Variants in OSBPL10 observed in about 807,000 individuals in gnomAD.
The protein encoded by OSBPL10 is oxysterol-binding protein-related protein 10.
In OSBPL10, 49 loss-of-function variants were observed where a neutral mutation model predicts 81.7. The ratio of observed to expected loss-of-function variants is 0.60; its 90% CI spans 0.48 to 0.76. The LOEUF is 0.76. OSBPL10 is among the 30% of genes least tolerant of loss of function. The probability of loss-of-function intolerance (pLI) is 0.00; values close to 1 mark genes in which losing one functional copy is unlikely to be tolerated. For missense variants in OSBPL10, 923 were observed against 987.8 expected, an observed-to-expected ratio of 0.93 and a Z score of 0.88; for synonymous variants, 419 against 383.6, an observed-to-expected ratio of 1.09 and a Z score of -1.08.
At chr3:31,848,171 T>G (rs1700678560) in intron 3 of OSBPL10, among the ~76,000 whole-genome samples, 1 of 152,132 alleles carries the variant, frequency 6.6e-6, no homozygotes, top group African/African-American at 2.4e-5. Flanking sequence ...CCTTTGGTTC[T>G]GGGCATGGTG....
At chr3:31,851,788 T>A (rs1244395708) in intron 3 of OSBPL10, among the ~76,000 whole-genome samples, 1 of 152,134 alleles carries the variant, frequency 6.6e-6, no homozygotes, top group Non-Finnish European at 1.5e-5. Context: ...ACCCCCTCCA[T>A]CCCGTGACTG....
chr3:32,000,812 G>A (rs114933444), intron 2 of OSBPL10, among the ~76,000 whole-genome samples: 3 of 152,224 alleles, frequency 2.0e-5, no homozygotes, highest in Non-Finnish European at 2.9e-5. Context: ...CTTTGACTCC[G>A]GCCATGCGGT....
intron 4 of OSBPL10, among the ~76,000 whole-genome samples, chr3:31,768,720 C>A (rs747932838): frequency 6.6e-6 from 1 of 152,148 alleles, no homozygotes; most frequent in Non-Finnish European, 1.5e-5. Context: ...CTGTGCCACC[C>A]CAACGCATCA....
At chr3:31,668,029 T>C (rs1700240159) in intron 10 of OSBPL10, among the ~76,000 whole-genome samples, 1 of 152,264 alleles carries the variant, frequency 6.6e-6, no homozygotes, top group Admixed American at 6.5e-5. Flanking sequence ...GTGATTTCTT[T>C]CTTTTGTTGC....
At chr3:32,069,213 T>A (rs1244254850) in intron 1 of OSBPL10, among the ~76,000 whole-genome samples, 1 of 152,172 alleles carries the variant, frequency 6.6e-6, no homozygotes, top group Non-Finnish European at 1.5e-5. Context: ...ACAATTTAAC[T>A]TAGAGTGACT....
At chr3:31,676,089 A>T (rs1226950540) in intron 8 of OSBPL10, among the ~76,000 whole-genome samples, 3 of 151,620 alleles carry the variant, frequency 2.0e-5, no homozygotes, top group Admixed American at 2.0e-4. Flanking sequence ...CTTCAGAAAA[A>T]TCTCTTCCAA....
chr3:31,778,982 A>G (rs560534043), intron 4 of OSBPL10, among the ~76,000 whole-genome samples: 1 of 152,320 alleles, frequency 6.6e-6, no homozygotes, highest in Non-Finnish European at 1.5e-5. Context: ...TCATAAATGA[A>G]GGAGAGATAA....
At chr3:31,845,346 C>A (rs756365873) in intron 3 of OSBPL10, among the ~76,000 whole-genome samples, 8 of 151,876 alleles carry the variant, frequency 5.3e-5, no homozygotes, top group Non-Finnish European at 7.4e-5. Flanking sequence ...CCCAGGGTAA[C>A]TGGACAAAAA....
chr3:31,708,846 A>G, intron 6 of OSBPL10: 1 of 985,402 alleles, frequency 1.0e-6, no homozygotes, highest in Non-Finnish European at 1.2e-6. Context: ...TGGATGTTCC[A>G]CTTTGGTCAG....
At chr3:31,971,480 C>T (rs1451924529) in intron 1 of OSBPL10, among the ~76,000 whole-genome samples, 1 of 152,170 alleles carries the variant, frequency 6.6e-6, no homozygotes, top group Non-Finnish European at 1.5e-5. Context: ...GTCCTAAACC[C>T]TTTATACACA....
Position 31,949,667 on chromosome 3 carries a change from CAAAAAAAAAAAAAAA to C in OSBPL10, c.281+31217_281+31231del, listed in dbSNP as rs56002214. On this transcript the variant is annotated intron_variant, in intron 1 of 11. Transcript: ENST00000396556. ...TGGGCAACAGAGCAAGACTCTGTCTCAAAAAAAAAAAAAAAAAAAAAAAAAAAAAAAAAGGATACT... is the reference window on the plus strand; with the variant it reads ...TGGGCAACAGAGCAAGACTCTGTCTCAAAAAAAAAAAAAAAAAAGGATACT... Among the ~76,000 whole-genome samples the C allele has an allele frequency of 1.6e-3, 43 of 26,254 alleles. 2 individuals carry two copies. The South Asian group carries it at 0.017, about 10-fold the overall frequency. The allele number at this position is 26,254 out of a possible 152,430, so 17.2% of individuals were successfully genotyped here.
At chr3:31,857,743 A>G (rs1368564831) in intron 3 of OSBPL10, among the ~76,000 whole-genome samples, 1 of 6,612 alleles carries the variant, frequency 1.5e-4, no homozygotes, top group African/African-American at 3.7e-4. Flanking sequence ...AACCACTACT[A>G]CTAGCCTCTC....
chr3:31,880,268 AC>A (rs1156518091), intron 1 of OSBPL10, among the ~76,000 whole-genome samples: 1 of 152,196 alleles, frequency 6.6e-6, no homozygotes, highest in African/African-American at 2.4e-5. Flanking sequence ...TTGGTCTCCA[AC>A]TTCCTGCCAG....
At chr3:31,813,233 AG>A (rs2125486499) in intron 4 of OSBPL10, among the ~76,000 whole-genome samples, 1 of 152,356 alleles carries the variant, frequency 6.6e-6, no homozygotes, top group South Asian at 2.1e-4. Context: ...GTTCTGATTT[AG>A]GGATGACCAA....
intron 6 of OSBPL10, among the ~76,000 whole-genome samples, 167 bp from the exon 7 acceptor site, chr3:31,702,675 G>A (rs1695936587): frequency 6.6e-6 from 1 of 152,142 alleles, no homozygotes; most frequent in South Asian, 2.1e-4. Flanking sequence ...GTCCCCTGGG[G>A]GTCGGACCTG....
intron 8 of OSBPL10, among the ~76,000 whole-genome samples, chr3:31,677,874 G>A (rs1054333867): frequency 6.7e-6 from 1 of 149,626 alleles, no homozygotes; most frequent in Non-Finnish European, 1.5e-5. Context: ...GAGGTCAGGA[G>A]ATCGAGACCA....
chr3:32,069,972 C>G (rs1699813957), intron 1 of OSBPL10, among the ~76,000 whole-genome samples: 1 of 152,222 alleles, frequency 6.6e-6, no homozygotes, highest in Non-Finnish European at 1.5e-5. Context: ...GGAGGTTGGA[C>G]TCTCCGACTC....
chr3:31,990,388 C>T (rs775230936), intron 2 of OSBPL10: 15 of 1,613,918 alleles, frequency 9.3e-6, no homozygotes, highest in Admixed American at 5.0e-5. Flanking sequence ...ATTTTTTAGA[C>T]GTCGTTCATA....
intron 4 of OSBPL10, among the ~76,000 whole-genome samples, chr3:31,769,067 T>C (rs915087947): frequency 1.3e-5 from 2 of 151,812 alleles, no homozygotes; most frequent in African/African-American, 4.8e-5. Context: ...CCATGGAAAA[T>C]AAGAAAGGGG....
Sources: allele counts gnomAD v4.1 joint callset (sites outside exome capture counted in the v4.1 genomes callset), GRCh38; gene constraint gnomAD v4.1.1; transcripts MANE v1.5; gene names NCBI Gene and HGNC (gene_info 2026-07-23, HGNC 2026-07-21).